ATXN7: variants seen among roughly 807,000 people sequenced by gnomAD.
ATXN7 encodes the protein ataxin 7, also known as ataxin-7.
Under a neutral mutation model 70.5 loss-of-function variants are expected in ATXN7, and 12 were observed. The ratio of observed to expected loss-of-function variants is 0.17; its 90% CI spans 0.11 to 0.28. ATXN7 has a LOEUF of 0.28. ATXN7 is among the 10% of genes least tolerant of loss of function. The pLI is 1.00. For missense variants in ATXN7, 1,256 were observed against 1,131.7 expected, an observed-to-expected ratio of 1.11 and a Z score of -1.58; for synonymous variants, 498 against 448.7, an observed-to-expected ratio of 1.11 and a Z score of -1.39.
intron 5 of ATXN7, among the ~76,000 whole-genome samples, chr3:63,961,110 A>T (rs566387610): frequency 6.6e-6 from 1 of 152,326 alleles, no homozygotes; most frequent in South Asian, 2.1e-4. Flanking sequence ...CTTACTTTTC[A>T]GGGGTACAGT....
chr3:63,896,952 A>G (rs1703466985), intron 1 of ATXN7, among the ~76,000 whole-genome samples: 2 of 152,200 alleles, frequency 1.3e-5, no homozygotes, highest in African/African-American at 4.8e-5. Flanking sequence ...GTGAAATAAG[A>G]TCAAGTGCAG....
intron 1 of ATXN7, among the ~76,000 whole-genome samples, chr3:63,881,698 C>T (rs1174526062): frequency 1.3e-5 from 2 of 152,074 alleles, no homozygotes; most frequent in Admixed American, 6.5e-5. Flanking sequence ...CCATGTTGGT[C>T]GGGCTGGTCT....
chr3:63,891,747 G>A (rs1430409513), intron 1 of ATXN7, among the ~76,000 whole-genome samples: 2 of 152,182 alleles, frequency 1.3e-5, no homozygotes, highest in East Asian at 1.9e-4. Context: ...GACTATTGGC[G>A]ATCTCTATCA....
At chr3:63,863,847 G>A (rs1702311483), upstream of ATXN7, 1 of 1,220,220 alleles carries the variant, frequency 8.2e-7, no homozygotes, top group Non-Finnish European at 1.0e-6. Context: ...GCGGTTGGCG[G>A]CGGCGGAGGT....
intron 8 of ATXN7, among the ~76,000 whole-genome samples, chr3:63,983,355 G>A (rs965724601): frequency 7.2e-5 from 11 of 152,120 alleles, no homozygotes; most frequent in African/African-American, 2.7e-4. Flanking sequence ...AATTATACTG[G>A]CTTAAAGCAA....
intron 12 of ATXN7, chr3:63,998,551 A>T: frequency 1.0e-6 from 1 of 985,182 alleles, no homozygotes; most frequent in Non-Finnish European, 1.2e-6. Flanking sequence ...TTTTCCTTAA[A>T]ATCAGTTAAA....
chr3:63,998,260 AC>A lies in ATXN7; in HGVS notation c.2662-1189del, dbSNP rs971083926. The A allele has an allele frequency of 1.3e-5, 13 of 974,816 alleles. No individual in the cohort carries two copies. In the African/African-American group the frequency reaches 2.2e-4, roughly 16 times the overall value. The allele number at this position is 974,816 out of a possible 1,614,324, so 60.4% of individuals were successfully genotyped here. ...ACAGTGCCTACTAGAAATTGGGGGG[AC>A]ATGGAGCAGCTGCTTCCAGACATTT... On this transcript the variant is annotated intron_variant, in intron 12 of 12. Transcript: ENST00000674280.
Position 63,912,664 on chromosome 3 carries a change from A to G in ATXN7, c.66A>G (p.Gly22=), listed in dbSNP as rs1704078903. The G allele has an allele frequency of 2.9e-6, 3 of 1,049,394 alleles. No individual in the cohort carries two copies. The South Asian group carries it at 1.3e-4, about 46-fold the overall frequency. The allele number at this position is 1,049,394 out of a possible 1,614,324, so 65.0% of individuals were successfully genotyped here. ...GCCGCGCGGCGGCGGCGGCGGGCGG[A>G]GCAGCGGCCGCGGCCGCCCGGCAGC... ...EPRRAAAAAG[G]AAAAAARQQQ... is the part of the protein sequence containing the mutation. Residue 22 remains glycine, a synonymous_variant, in exon 3 of 13, where the codon GGA becomes GGG. Transcript: ENST00000674280.
At chr3:63,906,299 T>G (rs1055004090) in intron 2 of ATXN7, among the ~76,000 whole-genome samples, 3 of 152,188 alleles carry the variant, frequency 2.0e-5, no homozygotes, top group African/African-American at 7.2e-5. Context: ...ATAGCTTTGC[T>G]TAGAGCTGGA....
At chr3:63,993,410 A>G (rs1416360798) in intron 11 of ATXN7, among the ~76,000 whole-genome samples, 6 of 150,484 alleles carry the variant, frequency 4.0e-5, no homozygotes, top group Admixed American at 6.6e-5. Context: ...AGATCGCGCC[A>G]CTGCACTCCA....
intron 4 of ATXN7, among the ~76,000 whole-genome samples, chr3:63,922,170 G>C (rs1188909620): frequency 6.6e-6 from 1 of 152,062 alleles, no homozygotes; most frequent in East Asian, 1.9e-4. Flanking sequence ...CTCCTGAGTA[G>C]CTGGGGCCAC....
At chr3:63,867,503 C>G (rs992639504) in intron 1 of ATXN7, among the ~76,000 whole-genome samples, 1 of 152,108 alleles carries the variant, frequency 6.6e-6, no homozygotes, top group African/African-American at 2.4e-5. Context: ...CACAGAATGA[C>G]CATTCTAAAG....
intron 5 of ATXN7, among the ~76,000 whole-genome samples, chr3:63,970,430 C>CA (rs1420098801): frequency 6.6e-6 from 1 of 152,184 alleles, no homozygotes; most frequent in Non-Finnish European, 1.5e-5. Flanking sequence ...GTGTTATACT[C>CA]ATAGCTGAGG....
At chr3:63,953,309 C>T (rs1009472559) in intron 5 of ATXN7, among the ~76,000 whole-genome samples, 1 of 152,040 alleles carries the variant, frequency 6.6e-6, no homozygotes, top group Non-Finnish European at 1.5e-5. Context: ...GCAACTCGGG[C>T]AGCAATCTAG....
At chr3:63,863,651 G>A, upstream of ATXN7, 1 of 1,217,362 alleles carries the variant, frequency 8.2e-7, no homozygotes. Flanking sequence ...AGGCCGAAGC[G>A]CTCTGGCGAA....
At chr3:63,923,248 C>G (rs1369016432) in intron 4 of ATXN7, among the ~76,000 whole-genome samples, 1 of 152,214 alleles carries the variant, frequency 6.6e-6, no homozygotes, top group Non-Finnish European at 1.5e-5. Context: ...ACAGTCCTAA[C>G]TCCCAAGTCA....
At chr3:63,971,603 A>C (rs146863887) in intron 5 of ATXN7, among the ~76,000 whole-genome samples, 1 of 152,222 alleles carries the variant, frequency 6.6e-6, no homozygotes, top group Non-Finnish European at 1.5e-5. Flanking sequence ...CTCGATGTTC[A>C]TGTGTAGTCC....
intron 6 of ATXN7, among the ~76,000 whole-genome samples, chr3:63,980,875 T>C (rs1277514324): frequency 3.9e-5 from 6 of 152,098 alleles, no homozygotes; most frequent in African/African-American, 1.4e-4. Context: ...ATCACAGCAG[T>C]GATGAGGGAA....
intron 4 of ATXN7, among the ~76,000 whole-genome samples, chr3:63,927,215 G>A (rs1371327429): frequency 2.0e-5 from 3 of 152,120 alleles, no homozygotes; most frequent in Non-Finnish European, 4.4e-5. Context: ...ATTTCTGGTA[G>A]GAGTCACCTT....
Sources: allele counts gnomAD v4.1 joint callset (sites outside exome capture counted in the v4.1 genomes callset), GRCh38; gene constraint gnomAD v4.1.1; transcripts MANE v1.5; gene names NCBI Gene and HGNC (gene_info 2026-07-23, HGNC 2026-07-21).